Variants in ERC2 observed in about 807,000 individuals in gnomAD.
ERC2 encodes the protein ELKS/RAB6-interacting/CAST family member 2, also known as ERC protein 2.
A neutral mutation model predicts 114.8 loss-of-function variants in ERC2; 42 were observed. The observed-to-expected ratio is 0.37, with a 90% CI of 0.29 to 0.47. The LOEUF is 0.47. ERC2 is among the 20% of genes least tolerant of loss of function. The pLI, the probability that ERC2 is intolerant of heterozygous loss-of-function variation, is 0.99. For missense variants in ERC2, 939 were observed against 1,150.7 expected, an observed-to-expected ratio of 0.82 and a Z score of 2.66; for synonymous variants, 454 against 425.5, an observed-to-expected ratio of 1.07 and a Z score of -0.82.
intron 14 of ERC2, among the ~76,000 whole-genome samples, chr3:55,741,955 G>A (rs1047627905): frequency 3.9e-5 from 6 of 152,096 alleles, no homozygotes; most frequent in Non-Finnish European, 5.9e-5. Flanking sequence ...TCTGTGCCCT[G>A]TCATACATTT....
chr3:56,364,147 A>T (rs2150567589), intron 2 of ERC2, among the ~76,000 whole-genome samples: 1 of 152,338 alleles, frequency 6.6e-6, no homozygotes, highest in South Asian at 2.1e-4. Flanking sequence ...AGAAGGGGCA[A>T]ATAGTATATG....
At chr3:56,186,272 A>T (rs927571295) in intron 3 of ERC2, among the ~76,000 whole-genome samples, 3 of 152,136 alleles carry the variant, frequency 2.0e-5, no homozygotes, top group Non-Finnish European at 4.4e-5. Context: ...AAGCTGCTAA[A>T]CATGTGGTAA....
In ERC2 at chr3:55,787,016, G is replaced by T. The variant is rs17055980; in HGVS notation, c.2565-52098C>A. On this transcript the variant is annotated intron_variant, in intron 14 of 17. Transcript: ENST00000288221. ...GCATTATGAACTGTGGGACAGATAGGACCTAGTTTTAATACCAGCTTTCCT... is the reference window on the plus strand; with the variant it reads ...GCATTATGAACTGTGGGACAGATAGTACCTAGTTTTAATACCAGCTTTCCT... Among the ~76,000 whole-genome samples the T allele has an allele frequency of 4.6e-5, 7 of 152,106 alleles. No homozygotes were observed. In the East Asian group the frequency reaches 1.3e-3, roughly 29 times the overall value.
chr3:56,375,141 TC>T (rs1221766105), intron 2 of ERC2, among the ~76,000 whole-genome samples: 1 of 152,146 alleles, frequency 6.6e-6, no homozygotes, highest in East Asian at 1.9e-4. Context: ...TAGTAATCTC[TC>T]CCCAAAATCC....
intron 12 of ERC2, among the ~76,000 whole-genome samples, chr3:55,973,486 A>G (rs1267218473): frequency 6.6e-6 from 1 of 152,238 alleles, no homozygotes; most frequent in Non-Finnish European, 1.5e-5. Flanking sequence ...TGCCTTCAGA[A>G]TAAGTTTTTT....
chr3:55,618,068 G>C (rs2059191530), intron 17 of ERC2, among the ~76,000 whole-genome samples: 2 of 151,844 alleles, frequency 1.3e-5, no homozygotes, highest in Non-Finnish European at 1.5e-5. Context: ...TATCATATGG[G>C]CAGTCATAAG....
At chr3:56,419,649 A>G (rs551635079) in intron 2 of ERC2, among the ~76,000 whole-genome samples, 51 of 152,348 alleles carry the variant, frequency 3.3e-4, no homozygotes, top group African/African-American at 1.2e-3. Flanking sequence ...CCAAAAGCTC[A>G]TTCATTTCAC....
intron 7 of ERC2, among the ~76,000 whole-genome samples, chr3:56,055,023 G>A (rs776717377): frequency 7.9e-5 from 12 of 152,182 alleles, no homozygotes; most frequent in Admixed American, 6.5e-4. Context: ...AAGACAATGC[G>A]CGTGTTAGGT....
intron 17 of ERC2, among the ~76,000 whole-genome samples, chr3:55,589,740 A>G (rs1696248): frequency 1 from 152,018 of 152,024 alleles, 76,006 homozygotes; most frequent in Middle Eastern, 1. Flanking sequence ...AGCAGGAGAC[A>G]GGGCTCATGA....
intron 2 of ERC2, among the ~76,000 whole-genome samples, chr3:56,328,147 A>G (rs2057449764): frequency 6.6e-6 from 1 of 152,168 alleles, no homozygotes; most frequent in Admixed American, 6.5e-5. Context: ...AAGAAGAGTA[A>G]GTATGACCAG....
intron 15 of ERC2, among the ~76,000 whole-genome samples, chr3:55,705,907 C>T (rs1262769067): frequency 1.3e-5 from 2 of 151,986 alleles, no homozygotes; most frequent in Non-Finnish European, 2.9e-5. Flanking sequence ...ATGTCAGGGT[C>T]CCTCCTATAT....
intron 3 of ERC2, among the ~76,000 whole-genome samples, chr3:56,218,011 T>C (rs1169723999): frequency 6.6e-6 from 1 of 152,148 alleles, no homozygotes; most frequent in Admixed American, 6.5e-5. Context: ...AAGACTTACA[T>C]GTTAGACCTG....
rs555431017 is a variant in ERC2, at chr3:55,800,846, T to A, written c.2565-65928A>T. ...GATAGATGTAGGAAGGAAAGTGGGG[T>A]CAGCACATTTATTTCCCTGGTTCCC... is the stretch of plus-strand genomic sequence containing the variant. On this transcript the variant is annotated intron_variant, in intron 14 of 17. Coordinates refer to ENST00000288221, the MANE Select transcript of ERC2 (RefSeq NM_015576.3). Among the ~76,000 whole-genome samples, 38 of 152,184 alleles carry A rather than the reference T, an allele frequency of 2.5e-4. 1 individual carries two copies. Among genetic ancestry groups the A allele is most frequent in the African/African-American group, 7.0e-4 (29 of 41,538 alleles).
intron 13 of ERC2, among the ~76,000 whole-genome samples, chr3:55,927,626 T>C (rs1210439054): frequency 6.6e-6 from 1 of 152,216 alleles, no homozygotes; most frequent in East Asian, 1.9e-4. Context: ...TTTAGTTATT[T>C]TAAAACATAC....
chr3:55,718,631 C>T (rs34423651), intron 15 of ERC2, among the ~76,000 whole-genome samples: 26,329 of 152,146 alleles, frequency 0.17, 2,566 homozygotes, highest in Admixed American at 0.29. Flanking sequence ...GCTCCTTCCA[C>T]TGTGGAGGAA....
intron 3 of ERC2, among the ~76,000 whole-genome samples, chr3:56,180,106 T>G (rs2083208919): frequency 1.3e-5 from 2 of 152,128 alleles, no homozygotes; most frequent in Non-Finnish European, 2.9e-5. Context: ...GAAGCAGCTG[T>G]GTCCATAATG....
chr3:56,152,417 AGG>A (rs34369328), intron 4 of ERC2, among the ~76,000 whole-genome samples: 10,162 of 149,414 alleles, frequency 0.068, 445 homozygotes, highest in African/African-American at 0.13. Flanking sequence ...TTTAAAATGA[AGG>A]GGGGGGGGCG....
intron 2 of ERC2, among the ~76,000 whole-genome samples, chr3:56,347,700 G>C (rs969861689): frequency 6.6e-6 from 1 of 151,962 alleles, no homozygotes; most frequent in African/African-American, 2.4e-5. Context: ...CCCTCCTCTT[G>C]AGCTCAGAGG....
At chr3:56,158,838 T>C (rs2081892739) in intron 4 of ERC2, among the ~76,000 whole-genome samples, 1 of 152,056 alleles carries the variant, frequency 6.6e-6, no homozygotes, top group African/African-American at 2.4e-5. Flanking sequence ...TTCCTGATCA[T>C]TTCTATGTTT....
Sources: allele counts gnomAD v4.1 joint callset (sites outside exome capture counted in the v4.1 genomes callset), GRCh38; gene constraint gnomAD v4.1.1; transcripts MANE v1.5; gene names NCBI Gene and HGNC (gene_info 2026-07-23, HGNC 2026-07-21).